The following DCDC1 variants were observed in gnomAD, a reference collection of about 807,000 sequenced individuals.
The protein encoded by DCDC1 is doublecortin domain-containing protein 1.
A neutral mutation model predicts 178.3 loss-of-function variants in DCDC1; 200 were observed. That is an observed-to-expected ratio of 1.12 (90% confidence interval 1.00 to 1.26). The LOEUF (loss-of-function observed/expected upper bound fraction) is 1.26. Among genes scored for constraint, DCDC1 ranks in the 50% most tolerant of loss-of-function variants. The pLI is 0.00. For missense variants in DCDC1, 1,983 were observed against 1,749.2 expected (o/e 1.13, Z -2.38); for synonymous variants, 690 against 604.8 (o/e 1.14, Z -2.07).
chr11:30,884,327 G>A (rs570814494), intron 36 of DCDC1, among the ~76,000 whole-genome samples: 3 of 151,956 alleles, frequency 2.0e-5, no homozygotes, highest in South Asian at 4.2e-4. Flanking sequence ...CAATATACTC[G>A]GCCTTCTTTC....
chr11:31,141,631 T>C (rs975658473), intron 9 of DCDC1, among the ~76,000 whole-genome samples: 17 of 152,344 alleles, frequency 1.1e-4, no homozygotes, highest in Middle Eastern at 3.4e-3. Flanking sequence ...TAGGTAATAC[T>C]GTTTTAGCAG....
At chr11:31,076,634 A>G (rs1385591191) in intron 18 of DCDC1, among the ~76,000 whole-genome samples, 1 of 152,182 alleles carries the variant, frequency 6.6e-6, no homozygotes, top group African/African-American at 2.4e-5. Flanking sequence ...ATGAGTCACC[A>G]TGCCCAACTG....
intron 9 of DCDC1, among the ~76,000 whole-genome samples, chr11:31,138,201 A>G (rs955010187): frequency 1.3e-5 from 2 of 152,198 alleles, no homozygotes; most frequent in Admixed American, 6.5e-5. Flanking sequence ...CATAAACTAA[A>G]TGTGTCAGTT....
intron 3 of DCDC1, among the ~76,000 whole-genome samples, chr11:31,310,183 T>C (rs1193594654): frequency 6.6e-6 from 1 of 152,172 alleles, no homozygotes; most frequent in African/African-American, 2.4e-5. Context: ...TCTAGTAATT[T>C]ATATCTGAAA....
In DCDC1 at chr11:30,897,638, A is replaced by G. The variant is rs182323749; in HGVS notation, c.4765+1903T>C. On this transcript the variant is annotated intron_variant, in intron 34 of 38. Coordinates refer to ENST00000684477, the MANE Select transcript of DCDC1 (RefSeq NM_001387274.1). Reference sequence around the variant, plus strand: ...CTTAATTGTAATAAAAACTGAAGACAATATAAAATCAGAATTTAATAAAGG... The same window carrying G: ...CTTAATTGTAATAAAAACTGAAGACGATATAAAATCAGAATTTAATAAAGG... Among the ~76,000 whole-genome samples, 1,249 of 152,088 alleles carry G rather than the reference A, an allele frequency of 8.2e-3. 7 individuals are homozygous for G. Among genetic ancestry groups the G allele is most frequent in the South Asian group, 0.018 (88 of 4,812 alleles).
At chr11:30,974,479 C>A (rs1435293109) in intron 20 of DCDC1, among the ~76,000 whole-genome samples, 1 of 151,550 alleles carries the variant, frequency 6.6e-6, no homozygotes, top group African/African-American at 2.4e-5. Flanking sequence ...CTAGAATCAT[C>A]AAGAAAAAAA....
chr11:31,033,374 T>C (rs1431641483), intron 20 of DCDC1, among the ~76,000 whole-genome samples: 3 of 152,174 alleles, frequency 2.0e-5, no homozygotes, highest in Non-Finnish European at 2.9e-5. Flanking sequence ...TTTCAGGTCA[T>C]TTAACATCTA....
intron 18 of DCDC1, among the ~76,000 whole-genome samples, chr11:31,072,083 A>G (rs1173889287): frequency 1.3e-5 from 2 of 152,232 alleles, no homozygotes; most frequent in African/African-American, 4.8e-5. Flanking sequence ...ACATAAAATG[A>G]GTGTGTTAGT....
At chr11:30,978,200 C>T (rs1950203462) in intron 20 of DCDC1, among the ~76,000 whole-genome samples, 1 of 152,218 alleles carries the variant, frequency 6.6e-6, no homozygotes, top group Non-Finnish European at 1.5e-5. Flanking sequence ...TACCTATTCT[C>T]ACACGAATCT....
chr11:31,256,770 A>T (rs1460871052), intron 8 of DCDC1, among the ~76,000 whole-genome samples: 1 of 152,188 alleles, frequency 6.6e-6, no homozygotes, highest in African/African-American at 2.4e-5. Flanking sequence ...TTATTTGCTT[A>T]TTATAATAAG....
intron 7 of DCDC1, among the ~76,000 whole-genome samples, chr11:31,290,113 T>C (rs1367617042): frequency 6.6e-6 from 1 of 152,018 alleles, no homozygotes; most frequent in African/African-American, 2.4e-5. Flanking sequence ...TACTTTAAAT[T>C]CTGTTTTTTA....
At chr11:31,197,294 G>A (rs1384074281) in intron 9 of DCDC1, among the ~76,000 whole-genome samples, 1 of 152,000 alleles carries the variant, frequency 6.6e-6, no homozygotes, top group Admixed American at 6.6e-5. Flanking sequence ...GTCTCTTAAA[G>A]CAAACATATT....
At chr11:30,894,407 ATT>A (rs2134066233) in intron 34 of DCDC1, 23 bp from the exon 35 acceptor site, 1 of 1,603,796 alleles carries the variant, frequency 6.2e-7, no homozygotes, top group Non-Finnish European at 8.5e-7. Flanking sequence ...GTCTCTAGAA[ATT>A]TTGTTTCTGA....
intron 8 of DCDC1, among the ~76,000 whole-genome samples, chr11:31,252,259 G>A (rs1453395117): frequency 6.6e-6 from 1 of 151,982 alleles, no homozygotes; most frequent in Non-Finnish European, 1.5e-5. Flanking sequence ...TTAAATTCCC[G>A]GGTGACAGAT....
intron 18 of DCDC1, among the ~76,000 whole-genome samples, chr11:31,072,553 G>A (rs563331122): frequency 6.6e-6 from 1 of 152,048 alleles, no homozygotes; most frequent in South Asian, 2.1e-4. Flanking sequence ...CTATTACACT[G>A]GATTAGATGT....
At chr11:31,307,261 T>C (rs998197681) in intron 4 of DCDC1, among the ~76,000 whole-genome samples, 2 of 152,200 alleles carry the variant, frequency 1.3e-5, no homozygotes, top group East Asian at 3.8e-4. Flanking sequence ...TGAAAACATA[T>C]TTACAAAATT....
At chr11:30,865,849 T>G (rs1304581355) in intron 38 of DCDC1, among the ~76,000 whole-genome samples, 1 of 152,024 alleles carries the variant, frequency 6.6e-6, no homozygotes, top group Non-Finnish European at 1.5e-5. Flanking sequence ...CAAGAAAGAA[T>G]GTTGCAATCT....
In DCDC1 at chr11:31,357,640, G is replaced by T. The variant is rs1436647472; in HGVS notation, c.-125+12057C>A. ...GGGTATTCAATTAGGAAAAGAGGAA[G>T]TCAAATTGTCACTGTTTGCAGATGA... On this transcript the variant is annotated intron_variant, in intron 1 of 38. Transcript: ENST00000684477. 8.5e-5 allele frequency among the ~76,000 whole-genome samples: 13 copies of T among 152,220 alleles called. No individual in the cohort carries two copies. In the East Asian group the frequency reaches 2.5e-3, roughly 29 times the overall value.
intron 15 of DCDC1, 29 bp downstream of exon 15, chr11:31,102,148 C>A (rs758354798): frequency 4.7e-6 from 3 of 641,976 alleles, no homozygotes; most frequent in Non-Finnish European, 8.6e-6. Context: ...TAAAGTGCAC[C>A]TTTTAAAGTA....
Sources: gnomAD v4.1 joint callset for allele counts (sites outside exome capture counted in the v4.1 genomes callset) on GRCh38, gnomAD v4.1.1 for gene constraint, MANE v1.5 for transcripts, NCBI Gene and HGNC (gene_info 2026-07-23, HGNC 2026-07-21) for gene names.